The following DIP2A variants were observed in gnomAD, a reference collection of about 807,000 sequenced individuals.
The protein encoded by DIP2A is disco-interacting protein 2 homolog A.
DIP2A carries 85 observed loss-of-function variants against 177.4 expected under a neutral mutation model. The ratio of observed to expected loss-of-function variants is 0.48; its 90% CI spans 0.40 to 0.57. DIP2A has a LOEUF of 0.57. Among genes scored for constraint, DIP2A ranks in the 20% least tolerant of loss-of-function variants. The pLI, the probability that DIP2A is intolerant of heterozygous loss-of-function variation, is 0.00. For missense variants in DIP2A, 1,791 were observed against 2,100.2 expected (o/e 0.85, Z 2.88); for synonymous variants, 886 against 881.8 (o/e 1.00, Z -0.08).
intron 11 of DIP2A, 74 bp downstream of exon 11, chr21:46,533,721 T>C (rs1302963209): frequency 2.3e-5 from 36 of 1,592,390 alleles, no homozygotes; most frequent in Non-Finnish European, 3.0e-5. Flanking sequence ...TTCCAGAAAT[T>C]AAACATGACA....
the DIP2A span, among the ~76,000 whole-genome samples, chr21:46,577,406 G>T: frequency 6.6e-6 from 1 of 152,174 alleles, no homozygotes; most frequent in Non-Finnish European, 1.5e-5. Context: ...CCCATTGCTT[G>T]TTTTTGTCAT....
intron 6 of DIP2A, among the ~76,000 whole-genome samples, chr21:46,508,042 ATT>A (rs774865677): frequency 1.5e-5 from 2 of 134,180 alleles, no homozygotes; most frequent in Non-Finnish European, 3.2e-5. Context: ...CCAGCCCCCC[ATT>A]TTTTTTTTTT....
chr21:46,504,523 C>G (rs2057872615), intron 6 of DIP2A, 34 bp downstream of exon 6: 1 of 1,574,230 alleles, frequency 6.4e-7, no homozygotes, highest in Non-Finnish European at 8.6e-7. Flanking sequence ...CGTGAAATAG[C>G]AGAACACAGG....
At chr21:46,533,401 T>G (rs1231405458) in intron 10 of DIP2A, 123 bp from the exon 11 acceptor site, 1 of 1,194,038 alleles carries the variant, frequency 8.4e-7, no homozygotes, top group East Asian at 2.7e-5. Context: ...ACTGAATTAT[T>G]CTGGAAGTTT....
the DIP2A span, among the ~76,000 whole-genome samples, chr21:46,576,625 G>T: frequency 3.3e-5 from 5 of 152,176 alleles, no homozygotes; most frequent in South Asian, 4.1e-4. Context: ...TTTATATTCC[G>T]CTGGGTATAT....
intron 11 of DIP2A, 122 bp from the exon 12 acceptor site, chr21:46,533,882 C>G: frequency 4.0e-6 from 4 of 1,001,218 alleles, no homozygotes; most frequent in Non-Finnish European, 4.4e-6. Flanking sequence ...TGAAATGAGA[C>G]TAAAACTTGC....
Position 46,554,181 on chromosome 21 carries a change from A to G in DIP2A, c.3043A>G (p.Ser1015Gly). ...LLLNAKGTVT[S>G]TATCVQLHKR... ...ATCGCTTTCCTAGGGCACCGTCACA[A>G]GCACTGCAACCTGTGTCCAGCTGCA... The change falls in exon 26 of 38, where the codon AGC (serine) becomes GGC (glycine). Residue 1015 changes from serine (S) to glycine (G), a missense_variant. Physicochemically the swap from Ser to Gly is moderately conservative, Grantham distance 56. Coordinates refer to ENST00000417564, the MANE Select transcript of DIP2A (RefSeq NM_015151.4). 6.2e-7 allele frequency: 1 copy of G among 1,613,822 alleles called. No homozygotes were observed. Among genetic ancestry groups the G allele is most frequent in the Non-Finnish European group, 8.5e-7 (1 of 1,179,778 alleles).
In DIP2A at chr21:46,532,208, G is replaced by A; in HGVS notation, c.1276G>A (p.Val426Ile). The part of the protein sequence containing the change: ...YGCLLAELVP[V>I]PIEVPLTRKD... The stretch of plus-strand genomic sequence containing the variant: ...GTGTCTCCTGGCAGAGCTGGTTCCT[G>A]TCCCCATAGAAGTGCCATTAACAAG... The change falls in exon 10 of 38, where the codon GTC (valine) becomes ATC (isoleucine). Residue 426 changes from valine to isoleucine, a missense_variant. Transcript: ENST00000417564. 6.2e-7 allele frequency: 1 copy of A among 1,613,902 alleles called. No homozygotes were observed. Among genetic ancestry groups the A allele is most frequent in the Non-Finnish European group, 8.5e-7 (1 of 1,179,844 alleles).
chr21:46,572,961 A>G (rs1190828233), downstream of DIP2A, among the ~76,000 whole-genome samples: 3 of 152,174 alleles, frequency 2.0e-5, no homozygotes, highest in Admixed American at 1.3e-4. Context: ...GCAATAGGCT[A>G]TATCATATAG....
At chr21:46,460,448 G>A (rs1450547945) in intron 1 of DIP2A, among the ~76,000 whole-genome samples, 1 of 152,198 alleles carries the variant, frequency 6.6e-6, no homozygotes, top group Non-Finnish European at 1.5e-5. Context: ...TCAGCTTTTA[G>A]AATCCATTTT....
At chr21:46,528,487 C>A (rs1453003706) in intron 8 of DIP2A, among the ~76,000 whole-genome samples, 1 of 117,008 alleles carries the variant, frequency 8.5e-6, no homozygotes, top group Non-Finnish European at 1.6e-5. Context: ...CACATATGTA[C>A]ATATACATAT....
chr21:46,465,414 C>CA (rs77913676), intron 1 of DIP2A, among the ~76,000 whole-genome samples: 48,817 of 149,846 alleles, frequency 0.33, 7,986 homozygotes, highest in East Asian at 0.43. Flanking sequence ...CTAAATATAA[C>CA]AAAAAAAAAA....
chr21:46,541,669 C>T (rs1200917044), intron 17 of DIP2A, 87 bp from the exon 18 acceptor site: 4 of 1,512,358 alleles, frequency 2.6e-6, no homozygotes, highest in Middle Eastern at 1.7e-4. Context: ...GGCTTTGGTG[C>T]AGAATCATGC....
At chr21:46,545,503 T>G (rs2059991625) in intron 19 of DIP2A, among the ~76,000 whole-genome samples, 1 of 152,216 alleles carries the variant, frequency 6.6e-6, no homozygotes, top group South Asian at 2.1e-4. Flanking sequence ...GGAGTCAGCG[T>G]GCTTCCCACA....
chr21:46,532,043 A>C (rs187852862), intron 9 of DIP2A, 84 bp from the exon 10 acceptor site: 2 of 1,345,810 alleles, frequency 1.5e-6, no homozygotes, highest in East Asian at 5.1e-5. Flanking sequence ...GCTTACAAAA[A>C]TTTTATTTAT....
At chr21:46,581,639 C>CT in the DIP2A span, among the ~76,000 whole-genome samples, 26 of 152,140 alleles carry the variant, frequency 1.7e-4, no homozygotes, top group African/African-American at 6.0e-4. Flanking sequence ...TTTGTGGGGT[C>CT]TTTTTTTGTT....
At chr21:46,492,418 T>C (rs1340347147) in intron 3 of DIP2A, among the ~76,000 whole-genome samples, 2 of 152,228 alleles carry the variant, frequency 1.3e-5, no homozygotes, top group African/African-American at 2.4e-5. Flanking sequence ...TTAAAATCAG[T>C]AGTGTTAGTC....
At position 46,490,692 on chromosome 21, in the gene DIP2A, G is replaced by T. The variant is rs781249841; in HGVS notation, c.256G>T (p.Ala86Ser). ...APKQQKSRPT[A>S]SRDERFRSDV... ...CAAGCAGCAGAAGTCTCGGCCCACC[G>T]CCTCGAGGGATGAGCGCTTCCGGTC... is the stretch of plus-strand genomic sequence containing the variant. The change falls in exon 3 of 38, where the codon GCC becomes TCC. Residue 86 changes from alanine (A) to serine (S), a missense_variant. Transcript: ENST00000417564. 1.3e-6 allele frequency: 2 copies of T among 1,585,942 alleles called. No individual in the cohort carries two copies. The highest frequency in any genetic ancestry group is 1.7e-6 in the Non-Finnish European group (2 of 1,166,232).
At position 46,567,719 on chromosome 21, in the gene DIP2A, C is replaced by G; in HGVS notation, c.*97C>G. On this transcript the variant is annotated 3_prime_UTR_variant, in exon 38 of 38. Transcript: ENST00000417564. Reference sequence around the variant, plus strand: ...CGCAGAGCTCACTCACCGGGACTCGCCCTTCCTGTGCTCTTACAGATCCCT... The same window carrying G: ...CGCAGAGCTCACTCACCGGGACTCGGCCTTCCTGTGCTCTTACAGATCCCT... 1.4e-6 allele frequency: 2 copies of G among 1,441,584 alleles called. No individual in the cohort carries two copies. The highest frequency in any genetic ancestry group is 9.3e-7 in the Non-Finnish European group (1 of 1,080,354). 89.3% of individuals were successfully genotyped at this position (1,441,584 alleles called of 1,614,324 possible). A position where few individuals can be genotyped will look rare whatever the true frequency, so the allele number is the denominator to read the frequency against.
Sources: allele counts gnomAD v4.1 joint callset (sites outside exome capture counted in the v4.1 genomes callset), GRCh38; gene constraint gnomAD v4.1.1; transcripts MANE v1.5; gene names NCBI Gene and HGNC (gene_info 2026-07-23, HGNC 2026-07-21).